The following HECW2 variants were observed in gnomAD, a reference collection of about 807,000 sequenced individuals.
HECW2 encodes HECT, C2 and WW domain containing E3 ubiquitin protein ligase 2, also known as E3 ubiquitin-protein ligase HECW2.
A neutral mutation model predicts 175.2 loss-of-function variants in HECW2; 61 were observed. The ratio of observed to expected loss-of-function variants is 0.35; its 90% CI spans 0.28 to 0.43. The LOEUF is 0.43. HECW2 is among the 20% of genes least tolerant of loss of function. The probability of loss-of-function intolerance (pLI) is 1.00; values close to 1 mark genes in which losing one functional copy is unlikely to be tolerated. For synonymous variants in HECW2, 671 were observed against 731.0 expected (o/e 0.92, Z 1.32); for missense variants, 1,524 against 2,000.5 (o/e 0.76, Z 4.54).
At chr2:196,431,281 T>C (rs1419375001) in intron 2 of HECW2, among the ~76,000 whole-genome samples, 3 of 152,202 alleles carry the variant, frequency 2.0e-5, no homozygotes, top group Non-Finnish European at 4.4e-5. Flanking sequence ...GTGGGTTTGG[T>C]CACTTGGAGA....
At chr2:196,236,520 A>T (rs1688259036) in intron 21 of HECW2, among the ~76,000 whole-genome samples, 4 of 152,122 alleles carry the variant, frequency 2.6e-5, no homozygotes, top group Admixed American at 2.6e-4. Flanking sequence ...CTTTATCTAC[A>T]TTTCCCTAGT....
intron 2 of HECW2, among the ~76,000 whole-genome samples, chr2:196,383,167 T>G (rs1042010888): frequency 6.6e-6 from 1 of 152,086 alleles, no homozygotes; most frequent in African/African-American, 2.4e-5. Flanking sequence ...TGAAGAAAAA[T>G]GCAAGCATAA....
At chr2:196,505,246 C>T (rs941527532) in intron 1 of HECW2, among the ~76,000 whole-genome samples, 20 of 152,022 alleles carry the variant, frequency 1.3e-4, no homozygotes, top group South Asian at 4.2e-4. Flanking sequence ...AATTAATAAA[C>T]GAGAAAACAA....
At chr2:196,590,043 CT>C (rs1486262057) in intron 1 of HECW2, among the ~76,000 whole-genome samples, 3 of 152,024 alleles carry the variant, frequency 2.0e-5, no homozygotes, top group Non-Finnish European at 4.4e-5. Flanking sequence ...GATTTTCTAG[CT>C]TTGCATTTAA....
chr2:196,221,099 C>T (rs2290512), intron 24 of HECW2, among the ~76,000 whole-genome samples, 158 bp from the exon 25 acceptor site: 22,522 of 152,142 alleles, frequency 0.15, 1,900 homozygotes, highest in East Asian at 0.22. Context: ...TCACGGAGCA[C>T]ACACACTCAG....
chr2:196,255,830 TGG>T (rs1166135000), intron 18 of HECW2, among the ~76,000 whole-genome samples: 1 of 152,216 alleles, frequency 6.6e-6, no homozygotes, highest in Non-Finnish European at 1.5e-5. Context: ...CCTAGCACTT[TGG>T]GAGGCCGAGG....
intron 9 of HECW2, 44 bp downstream of exon 9, chr2:196,318,508 C>A: frequency 7.0e-7 from 1 of 1,435,024 alleles, no homozygotes. Context: ...TCTCTCTGCA[C>A]AGCTACGCTC....
At position 196,416,074 on chromosome 2, in the gene HECW2, G is replaced by T. The variant is rs73988199; in HGVS notation, c.292+17058C>A. ...AATAGAGATAGCTTTTCTTACTAGA[G>T]ATATTAAAGAAATTATGCTGAAATA... On this transcript the variant is annotated intron_variant, in intron 2 of 28. Coordinates refer to ENST00000644978, the MANE Select transcript of HECW2 (RefSeq NM_001348768.2). Among the ~76,000 whole-genome samples the T allele has an allele frequency of 4.3e-3, 657 of 152,254 alleles. 8 individuals are homozygous for T. The highest frequency in any genetic ancestry group is 0.015 in the African/African-American group (615 of 41,554).
intron 19 of HECW2, among the ~76,000 whole-genome samples, chr2:196,248,133 T>A (rs1688715717): frequency 2.0e-5 from 3 of 152,146 alleles, no homozygotes; most frequent in African/African-American, 7.2e-5. Context: ...ATTCTCTGAG[T>A]AGTAAAAGGC....
intron 2 of HECW2, among the ~76,000 whole-genome samples, chr2:196,348,710 CAT>C (rs1194279936): frequency 1.3e-5 from 2 of 152,204 alleles, no homozygotes; most frequent in South Asian, 2.1e-4. Flanking sequence ...AAATCCCCCA[CAT>C]GTGTAATATA....
intron 1 of HECW2, among the ~76,000 whole-genome samples, chr2:196,507,017 T>G (rs1687781995): frequency 1.3e-5 from 2 of 152,236 alleles, no homozygotes; most frequent in South Asian, 4.1e-4. Context: ...AATATTGGAA[T>G]GGCTATTAGA....
chr2:196,521,441 C>A (rs1451956670), intron 1 of HECW2, among the ~76,000 whole-genome samples: 1 of 151,826 alleles, frequency 6.6e-6, no homozygotes. Context: ...TACAAAGTCA[C>A]TTGAATCCCT....
intron 2 of HECW2, among the ~76,000 whole-genome samples, chr2:196,390,007 G>A (rs566978514): frequency 3.9e-5 from 6 of 152,190 alleles, no homozygotes; most frequent in African/African-American, 1.4e-4. Flanking sequence ...TACTTTGAAA[G>A]CTTAGGCTTG....
rs1016189817 is a variant in HECW2 at position 196,330,430 on chromosome 2, T to C, written c.496-780A>G. On this transcript the variant is annotated intron_variant, in intron 4 of 28. Coordinates refer to ENST00000644978, the MANE Select transcript of HECW2 (RefSeq NM_001348768.2). Reference sequence around the variant, plus strand: ...GCAGAATATACCCAAATGTGGGAAATAGAACCACATTTTAATTCTGAAGTT... The same window carrying C: ...GCAGAATATACCCAAATGTGGGAAACAGAACCACATTTTAATTCTGAAGTT... Among the ~76,000 whole-genome samples the C allele has an allele frequency of 3.3e-5, 5 of 152,110 alleles. 1 individual carries two copies. The highest frequency in any genetic ancestry group is 9.7e-5 in the African/African-American group (4 of 41,400).
rs1053177498 is a variant in HECW2, at chr2:196,219,829, C to T, written c.4408+210G>A. On this transcript the variant is annotated intron_variant, in intron 26 of 28. Transcript: ENST00000644978. ...AATTAAGAGTTATGACATCCTTTGA[C>T]GGTGTGTAAACAGTCCTTCTCCCAT... is the stretch of plus-strand genomic sequence containing the variant. 3.9e-5 allele frequency among the ~76,000 whole-genome samples: 6 copies of T among 152,102 alleles called. No homozygotes were observed. The South Asian group carries it at 6.2e-4, about 16-fold the overall frequency.
intron 2 of HECW2, among the ~76,000 whole-genome samples, 166 bp downstream of exon 2, chr2:196,432,966 G>C (rs1695758403): frequency 6.6e-6 from 1 of 152,134 alleles, no homozygotes; most frequent in South Asian, 2.1e-4. Flanking sequence ...CAAATGTACT[G>C]TTGAATCTCC....
intron 17 of HECW2, among the ~76,000 whole-genome samples, chr2:196,270,310 T>C (rs1427174191): frequency 6.6e-6 from 1 of 152,108 alleles, no homozygotes; most frequent in Non-Finnish European, 1.5e-5. Context: ...AAATCTTGCT[T>C]CCCAAACTTA....
intron 1 of HECW2, among the ~76,000 whole-genome samples, chr2:196,512,397 CT>C (rs1687984315): frequency 6.6e-6 from 1 of 152,146 alleles, no homozygotes; most frequent in African/African-American, 2.4e-5. Context: ...ACTGATTTAA[CT>C]TTTTTCTTTT....
At position 196,466,097 on chromosome 2, in the gene HECW2, A is replaced by G. The variant is rs143726383; in HGVS notation, c.-35-32639T>C. 4.7e-4 allele frequency among the ~76,000 whole-genome samples: 71 copies of G among 152,282 alleles called. No homozygotes were observed. The East Asian group carries it at 9.8e-3, about 21-fold the overall frequency. On this transcript the variant is annotated intron_variant, in intron 1 of 28. Coordinates refer to ENST00000644978, the MANE Select transcript of HECW2 (RefSeq NM_001348768.2). Reference sequence around the variant, plus strand: ...AATGGCTAAGAATTTTCTTTGTCACACCTATATACCAGCAGAATCCAGTGA... The same window carrying G: ...AATGGCTAAGAATTTTCTTTGTCACGCCTATATACCAGCAGAATCCAGTGA...
Sources: allele counts gnomAD v4.1 joint callset (sites outside exome capture counted in the v4.1 genomes callset), GRCh38; gene constraint gnomAD v4.1.1; transcripts MANE v1.5; gene names NCBI Gene and HGNC (gene_info 2026-07-23, HGNC 2026-07-21).